MCU: variants seen among roughly 807,000 people sequenced by gnomAD.
The protein encoded by MCU is calcium uniporter protein, mitochondrial.
In MCU, 12 loss-of-function variants were observed where a neutral mutation model predicts 45.2. The observed-to-expected ratio is 0.27, with a 90% CI of 0.17 to 0.43. The LOEUF (loss-of-function observed/expected upper bound fraction) is 0.43, where lower values mean the gene tolerates loss of function less well. Among genes scored for constraint, MCU ranks in the 20% least tolerant of loss-of-function variants. The pLI, the probability that MCU is intolerant of heterozygous loss-of-function variation, is 1.00. For synonymous variants in MCU, 160 were observed against 165.1 expected, an observed-to-expected ratio of 0.97 and a Z score of 0.24; for missense variants, 324 against 436.7, an observed-to-expected ratio of 0.74 and a Z score of 2.30.
At chr10:72,827,573 T>A (rs1844817054) in intron 1 of MCU, among the ~76,000 whole-genome samples, 1 of 152,204 alleles carries the variant, frequency 6.6e-6, no homozygotes, top group South Asian at 2.1e-4. Flanking sequence ...TTTTGCATAT[T>A]ATCTCTGTTT....
intron 6 of MCU, among the ~76,000 whole-genome samples, chr10:72,878,557 C>T (rs1189600079): frequency 1.3e-5 from 2 of 152,114 alleles, no homozygotes; most frequent in African/African-American, 2.4e-5. Flanking sequence ...AATAATTATA[C>T]TTACTATATT....
intron 1 of MCU, among the ~76,000 whole-genome samples, chr10:72,815,824 A>G (rs1844616741): frequency 6.6e-6 from 1 of 152,238 alleles, no homozygotes; most frequent in African/African-American, 2.4e-5. Flanking sequence ...ATTTCATTAC[A>G]GAGCTAATAT....
chr10:72,848,783 T>A (rs1020599829), intron 2 of MCU, among the ~76,000 whole-genome samples: 1 of 152,028 alleles, frequency 6.6e-6, no homozygotes, highest in African/African-American at 2.4e-5. Flanking sequence ...TGGATGGAAA[T>A]GGTAAACACC....
intron 2 of MCU, among the ~76,000 whole-genome samples, chr10:72,850,726 A>T (rs1845195890): frequency 1.3e-5 from 2 of 152,112 alleles, no homozygotes; most frequent in African/African-American, 2.4e-5. Context: ...ATCTGTTATC[A>T]TGTTCTAGCT....
At chr10:72,884,217 T>A (rs1845746236) in intron 6 of MCU, 49 bp from the exon 7 acceptor site, 1 of 1,086,212 alleles carries the variant, frequency 9.2e-7, no homozygotes, top group Non-Finnish European at 1.4e-6. Context: ...AAATATTTTG[T>A]GAAGATAGTA....
chr10:72,700,192 G>A (rs949277629), intron 1 of MCU, among the ~76,000 whole-genome samples: 21 of 151,542 alleles, frequency 1.4e-4, no homozygotes, highest in Admixed American at 2.0e-4. Flanking sequence ...CCTGAGTAGC[G>A]GGGATTACAG....
intron 1 of MCU, among the ~76,000 whole-genome samples, chr10:72,736,864 A>G (rs558870622): frequency 4.7e-4 from 72 of 152,336 alleles, no homozygotes; most frequent in African/African-American, 1.6e-3. Flanking sequence ...CGTGCTGTCA[A>G]CATAAAGCTG....
intron 1 of MCU, among the ~76,000 whole-genome samples, chr10:72,826,201 G>T (rs1011018918): frequency 1.3e-5 from 2 of 152,124 alleles, no homozygotes; most frequent in Non-Finnish European, 2.9e-5. Context: ...ATTCTAACAA[G>T]CTCCCAGGTG....
intron 1 of MCU, among the ~76,000 whole-genome samples, chr10:72,770,654 G>A (rs1038691879): frequency 2.6e-5 from 4 of 151,610 alleles, no homozygotes; most frequent in African/African-American, 9.7e-5. Context: ...ACCATTTCTG[G>A]TTGTCTTCAT....
intron 1 of MCU, among the ~76,000 whole-genome samples, chr10:72,792,579 G>A (rs551892295): frequency 3.3e-5 from 5 of 152,004 alleles, no homozygotes; most frequent in Admixed American, 6.6e-5. Flanking sequence ...AAAAACTCCC[G>A]GTTTTTGAAA....
chr10:72,840,551 G>A (rs1845032677), intron 2 of MCU, among the ~76,000 whole-genome samples: 1 of 152,046 alleles, frequency 6.6e-6, no homozygotes, highest in African/African-American at 2.4e-5. Context: ...TTATTGTATT[G>A]AGGACACATA....
At chr10:72,743,810 G>C (rs1843370929) in intron 1 of MCU, among the ~76,000 whole-genome samples, 2 of 152,166 alleles carry the variant, frequency 1.3e-5, no homozygotes, top group Admixed American at 1.3e-4. Flanking sequence ...CAACTAATTA[G>C]ACTTGAAAAT....
At chr10:72,777,326 C>G (rs959226991) in intron 1 of MCU, among the ~76,000 whole-genome samples, 5 of 152,148 alleles carry the variant, frequency 3.3e-5, no homozygotes, top group Non-Finnish European at 5.9e-5. Flanking sequence ...AGCGAAATAG[C>G]GTGATACTGG....
At position 72,825,460 on chromosome 10, in the gene MCU, C is replaced by T. The variant is rs138710220; in HGVS notation, c.151-8899C>T. Among the ~76,000 whole-genome samples, 134 of 152,330 alleles carry T rather than the reference C, an allele frequency of 8.8e-4. 1 individual carries two copies. In the Middle Eastern group the frequency reaches 0.01, roughly 12 times the overall value. ...GCCATGTTTTTTCTAAGAACAATAACATCCTCTTGCTCTTCTACAAAATAC... is the reference window on the plus strand; with the variant it reads ...GCCATGTTTTTTCTAAGAACAATAATATCCTCTTGCTCTTCTACAAAATAC... On this transcript the variant is annotated intron_variant, in intron 1 of 7. Transcript: ENST00000373053.
At chr10:72,850,178 A>G (rs999184138) in intron 2 of MCU, among the ~76,000 whole-genome samples, 1 of 152,028 alleles carries the variant, frequency 6.6e-6, no homozygotes, top group African/African-American at 2.4e-5. Flanking sequence ...GCCCAGGAAT[A>G]TTATCTAACG....
chr10:72,767,511 T>C (rs763303845), intron 1 of MCU, among the ~76,000 whole-genome samples: 1 of 152,122 alleles, frequency 6.6e-6, no homozygotes, highest in Non-Finnish European at 1.5e-5. Context: ...TTAATTTAAC[T>C]GTGTTTTAAT....
At chr10:72,788,046 C>T (rs1844102186) in intron 1 of MCU, among the ~76,000 whole-genome samples, 4 of 152,168 alleles carry the variant, frequency 2.6e-5, no homozygotes, top group South Asian at 4.2e-4. Context: ...CACAATATCT[C>T]GTGGTGCTGT....
chr10:72,761,084 A>C (rs969529642), intron 1 of MCU, among the ~76,000 whole-genome samples: 2 of 152,208 alleles, frequency 1.3e-5, no homozygotes, highest in African/African-American at 4.8e-5. Context: ...GACTTCATCT[A>C]ATCTAACTTT....
In MCU at chr10:72,868,881, A is replaced by T. The variant is rs766851746; in HGVS notation, c.657+18A>T. 1 of 1,601,222 alleles carries T rather than the reference A, an allele frequency of 6.2e-7. No homozygotes were observed. Among genetic ancestry groups the T allele is most frequent in the South Asian group, 1.1e-5 (1 of 90,574 alleles). ...TGGAAAAGGTAAAACTTCCAATCTC[A>T]GGTTTTTTACCTTAACCTGTATTTT... On this transcript the variant is annotated intron_variant, in intron 5 of 7. Coordinates refer to ENST00000373053, the MANE Select transcript of MCU (RefSeq NM_138357.3).
Sources: allele counts gnomAD v4.1 joint callset (sites outside exome capture counted in the v4.1 genomes callset), GRCh38; gene constraint gnomAD v4.1.1; transcripts MANE v1.5; gene names NCBI Gene and HGNC (gene_info 2026-07-23, HGNC 2026-07-21).